Variants in ZNF804B observed in about 807,000 individuals in gnomAD.
ZNF804B encodes zinc finger protein 804B.
In ZNF804B, 80 loss-of-function variants were observed where a neutral mutation model predicts 101.4. The observed-to-expected ratio is 0.79, with a 90% CI of 0.66 to 0.95. ZNF804B has a LOEUF of 0.95. Ranked by LOEUF, ZNF804B falls within the 40% of genes least tolerant of loss-of-function variation. The pLI is 0.00. For missense variants in ZNF804B, 1,673 were observed against 1,561.9 expected (o/e 1.07, Z -1.20); for synonymous variants, 622 against 558.8 (o/e 1.11, Z -1.59).
chr7:89,130,929 A>G (rs1261764752), intron 1 of ZNF804B, among the ~76,000 whole-genome samples: 1 of 151,996 alleles, frequency 6.6e-6, no homozygotes, highest in Non-Finnish European at 1.5e-5. Flanking sequence ...CTGAACGACC[A>G]AAGTTTATGA....
intron 1 of ZNF804B, among the ~76,000 whole-genome samples, chr7:89,206,775 C>T (rs190875865): frequency 6.6e-6 from 1 of 152,134 alleles, no homozygotes; most frequent in East Asian, 1.9e-4. Context: ...AAAAAACAAA[C>T]AAACCCACAA....
At chr7:88,824,211 A>G (rs1791024133) in intron 1 of ZNF804B, among the ~76,000 whole-genome samples, 1 of 152,122 alleles carries the variant, frequency 6.6e-6, no homozygotes, top group Non-Finnish European at 1.5e-5. Context: ...TTCCCCACCC[A>G]TATCTCATCT....
intron 1 of ZNF804B, among the ~76,000 whole-genome samples, chr7:89,099,039 A>G (rs1790012578): frequency 6.8e-6 from 1 of 147,744 alleles, no homozygotes; most frequent in African/African-American, 2.5e-5. Context: ...TATATATATT[A>G]TATATTATAT....
intron 1 of ZNF804B, among the ~76,000 whole-genome samples, chr7:88,930,939 C>T (rs1792875405): frequency 6.6e-6 from 1 of 151,824 alleles, no homozygotes; most frequent in Non-Finnish European, 1.5e-5. Flanking sequence ...TAATCAGTAG[C>T]TATTATAGCC....
chr7:89,259,128 C>T lies in ZNF804B; in HGVS notation c.249+40833C>T, dbSNP rs188808377. ...AGAACCCTTCTACCAGATTGTCTAA[C>T]GTCAGTTTTGTTTTCTGGCACTGCT... On this transcript the variant is annotated intron_variant, in intron 2 of 3. Transcript: ENST00000333190. Among the ~76,000 whole-genome samples the T allele has an allele frequency of 7.9e-5, 12 of 152,244 alleles. No homozygotes were observed. In the East Asian group the frequency reaches 2.1e-3, roughly 27 times the overall value.
rs768190107 is a variant in ZNF804B at position 89,327,315 on chromosome 7, T to C, written c.250-29T>C. The C allele has an allele frequency of 3.2e-6, 5 of 1,563,818 alleles. No individual in the cohort carries two copies. In the African/African-American group the frequency reaches 4.2e-5, roughly 13 times the overall value. ...AAAAGAATATATTATTTATTTATAGTACCTTTTTGGTTTTTCTTCTTTTTC... is the reference window on the plus strand; with the variant it reads ...AAAAGAATATATTATTTATTTATAGCACCTTTTTGGTTTTTCTTCTTTTTC... On this transcript the variant is annotated intron_variant, in intron 2 of 3. Coordinates refer to ENST00000333190, the MANE Select transcript of ZNF804B (RefSeq NM_181646.5).
At chr7:89,275,055 C>A (rs989290522) in intron 2 of ZNF804B, among the ~76,000 whole-genome samples, 1 of 151,942 alleles carries the variant, frequency 6.6e-6, no homozygotes, top group African/African-American at 2.4e-5. Context: ...AACAGACTTG[C>A]ATCTGTATTT....
intron 1 of ZNF804B, among the ~76,000 whole-genome samples, chr7:88,852,963 G>A (rs928683535): frequency 1.3e-5 from 2 of 152,012 alleles, no homozygotes; most frequent in African/African-American, 2.4e-5. Context: ...TCAAACAATG[G>A]TTTTCCTCTC....
intron 1 of ZNF804B, among the ~76,000 whole-genome samples, chr7:88,905,510 A>T (rs1792456588): frequency 1.3e-5 from 2 of 152,054 alleles, no homozygotes; most frequent in East Asian, 3.9e-4. Context: ...GGCATCTGCC[A>T]CCATCCCTGG....
chr7:89,246,344 G>A (rs1309522570), intron 2 of ZNF804B, among the ~76,000 whole-genome samples: 1 of 152,180 alleles, frequency 6.6e-6, no homozygotes, highest in Non-Finnish European at 1.5e-5. Context: ...AGATCATGGT[G>A]CAGCAGGCCT....
intron 1 of ZNF804B, among the ~76,000 whole-genome samples, chr7:88,861,160 G>T (rs1205765576): frequency 6.6e-6 from 1 of 152,138 alleles, no homozygotes; most frequent in Non-Finnish European, 1.5e-5. Context: ...ATGAGACACG[G>T]TCCTTGTCGT....
intron 1 of ZNF804B, among the ~76,000 whole-genome samples, chr7:89,102,789 C>T (rs942495849): frequency 1.3e-5 from 2 of 151,768 alleles, no homozygotes; most frequent in South Asian, 4.1e-4. Context: ...CCTAGGTTTT[C>T]TTCTAATATT....
intron 2 of ZNF804B, among the ~76,000 whole-genome samples, chr7:89,307,958 A>G (rs1302347985): frequency 6.6e-6 from 1 of 152,078 alleles, no homozygotes; most frequent in Admixed American, 6.6e-5. Flanking sequence ...GGTTCTTGCA[A>G]TTAGTAGGGA....
At chr7:89,079,223 A>G (rs141390403) in intron 1 of ZNF804B, among the ~76,000 whole-genome samples, 5 of 152,206 alleles carry the variant, frequency 3.3e-5, no homozygotes, top group African/African-American at 1.2e-4. Context: ...GAACATGGCT[A>G]TTAGATGTTC....
chr7:89,127,854 A>C (rs1461149955), intron 1 of ZNF804B, among the ~76,000 whole-genome samples: 1 of 151,448 alleles, frequency 6.6e-6, no homozygotes, highest in African/African-American at 2.4e-5. Flanking sequence ...GACAATAAAA[A>C]AGGTAAAAGA....
At chr7:89,005,641 A>G (rs1324095470) in intron 1 of ZNF804B, among the ~76,000 whole-genome samples, 1 of 152,130 alleles carries the variant, frequency 6.6e-6, no homozygotes, top group African/African-American at 2.4e-5. Flanking sequence ...TCCTAGATCC[A>G]CTTATTGACT....
rs1791137090 is a variant in ZNF804B, at chr7:89,338,426, T to C, written c.*1394T>C. On this transcript the variant is annotated 3_prime_UTR_variant, in exon 4 of 4. Coordinates refer to ENST00000333190, the MANE Select transcript of ZNF804B (RefSeq NM_181646.5). ...TGAAATCAGTATTATCATTCCTCAT[T>C]ACAGATAAGGAAAATGAAATAGAAA... 6.6e-6 allele frequency among the ~76,000 whole-genome samples: 1 copy of C among 151,956 alleles called. No homozygotes were observed. Among genetic ancestry groups the C allele is most frequent in the East Asian group, 1.9e-4 (1 of 5,178 alleles).
At chr7:89,032,437 G>C (rs1214380641) in intron 1 of ZNF804B, among the ~76,000 whole-genome samples, 1 of 152,122 alleles carries the variant, frequency 6.6e-6, no homozygotes, top group Non-Finnish European at 1.5e-5. Flanking sequence ...TAATAAATGA[G>C]ATATAAGATT....
intron 2 of ZNF804B, among the ~76,000 whole-genome samples, chr7:89,278,882 G>T (rs933414505): frequency 3.9e-5 from 6 of 152,006 alleles, no homozygotes; most frequent in African/African-American, 1.5e-4. Flanking sequence ...TTCCAATTCT[G>T]TGAAGAAAGT....
Sources: gnomAD v4.1 joint callset for allele counts (sites outside exome capture counted in the v4.1 genomes callset) on GRCh38, gnomAD v4.1.1 for gene constraint, MANE v1.5 for transcripts, NCBI Gene and HGNC (gene_info 2026-07-23, HGNC 2026-07-21) for gene names.